The following KIRREL3 variants were observed in gnomAD, a reference collection of about 807,000 sequenced individuals.
KIRREL3 encodes kin of IRRE-like protein 3.
A neutral mutation model predicts 89.7 loss-of-function variants in KIRREL3; 36 were observed. The observed-to-expected ratio is 0.40, with a 90% CI of 0.31 to 0.53. The LOEUF is 0.53. KIRREL3 is among the 20% of genes least tolerant of loss of function. The pLI is 0.49. For missense variants in KIRREL3, 864 were observed against 1,056.6 expected (o/e 0.82, Z 2.53); for synonymous variants, 445 against 441.4 (o/e 1.01, Z -0.10).
At chr11:126,644,206 G>A (rs572149822) in intron 1 of KIRREL3, among the ~76,000 whole-genome samples, 94 of 152,344 alleles carry the variant, frequency 6.2e-4, no homozygotes, top group Non-Finnish European at 1.1e-3. Context: ...TATGAGAACT[G>A]GGAACTGGAA....
chr11:126,908,698 A>C lies in KIRREL3; in HGVS notation c.55+91757T>G, dbSNP rs1347880080. On this transcript the variant is annotated intron_variant, in intron 1 of 16. Transcript: ENST00000525144. This position sits in a 1 kb window ranked among gnomAD's most constrained non-coding sequence, Gnocchi z 4.2. ...TTAAAGGGCTTCCCATACACCAGAA[A>C]CTGGGGATTCCACAGTAGATTAAAT... 6.6e-6 allele frequency among the ~76,000 whole-genome samples: 1 copy of C among 152,206 alleles called. No individual in the cohort carries two copies. The highest frequency in any genetic ancestry group is 1.5e-5 in the Non-Finnish European group (1 of 68,026).
chr11:126,748,048 G>C lies in KIRREL3; in HGVS notation c.56-185136C>G, dbSNP rs1949211910. 6.6e-6 allele frequency among the ~76,000 whole-genome samples: 1 copy of C among 152,170 alleles called. No homozygotes were observed. The highest frequency in any genetic ancestry group is 6.5e-5 in the Admixed American group (1 of 15,272). ...TTCCATTAATAATTGCCTCCCTAGT[G>C]ACTGATTTATCTGCTCCTTGAATCT... On this transcript the variant is annotated intron_variant, in intron 1 of 16. Coordinates refer to ENST00000525144, the MANE Select transcript of KIRREL3 (RefSeq NM_032531.4). The surrounding 1 kb of genome is among the most constrained non-coding windows in gnomAD (Gnocchi z 4.6).
chr11:126,429,979 C>G lies in KIRREL3; in HGVS notation c.1697-691G>C, dbSNP rs924372966. On this transcript the variant is annotated intron_variant, in intron 14 of 16. Coordinates refer to ENST00000525144, the MANE Select transcript of KIRREL3 (RefSeq NM_032531.4). This position sits in a 1 kb window ranked among gnomAD's most constrained non-coding sequence, Gnocchi z 5.2. ...GTGAAACCCCGTCTCTATTAAAAAT[C>G]CAAAAATTAGCTGGGCGTGGTGGTG... Among the ~76,000 whole-genome samples, 2 of 151,128 alleles carry G rather than the reference C, an allele frequency of 1.3e-5. No homozygotes were observed. The highest frequency in any genetic ancestry group is 2.9e-5 in the Non-Finnish European group (2 of 67,862).
intron 1 of KIRREL3, among the ~76,000 whole-genome samples, chr11:126,947,583 T>C (rs1283075319): frequency 6.6e-6 from 1 of 152,206 alleles, no homozygotes; most frequent in African/African-American, 2.4e-5. Context: ...TTGAGTTTTA[T>C]GTGCACACGG....
In KIRREL3 at chr11:126,454,403, G is replaced by A. The variant is rs1409012111; in HGVS notation, c.848+1946C>T. On this transcript the variant is annotated intron_variant, in intron 7 of 16. Coordinates refer to ENST00000525144, the MANE Select transcript of KIRREL3 (RefSeq NM_032531.4). The surrounding 1 kb of genome is among the most constrained non-coding windows in gnomAD (Gnocchi z 5.8). ...CTGGCAGTGAGGAGAAACGAAAGTC[G>A]AAAGTTGTGTGTCCTGGTCTCTGGG... Among the ~76,000 whole-genome samples the A allele has an allele frequency of 1.3e-5, 2 of 152,128 alleles. No homozygotes were observed. The highest frequency in any genetic ancestry group is 1.9e-4 in the East Asian group (1 of 5,166).
At position 126,656,624 on chromosome 11, in the gene KIRREL3, T is replaced by G. The variant is rs1394393329; in HGVS notation, c.56-93712A>C. On this transcript the variant is annotated intron_variant, in intron 1 of 16. Transcript: ENST00000525144. The surrounding 1 kb of genome is among the most constrained non-coding windows in gnomAD (Gnocchi z 4.0). ...AGGGGCAGTTTAAATCTTCATGCTTTTACCACCTTATACTGAGTAAGAAGA... is the reference window on the plus strand; with the variant it reads ...AGGGGCAGTTTAAATCTTCATGCTTGTACCACCTTATACTGAGTAAGAAGA... Among the ~76,000 whole-genome samples, 2 of 152,210 alleles carry G rather than the reference T, an allele frequency of 1.3e-5. No individual in the cohort carries two copies. The highest frequency in any genetic ancestry group is 2.9e-5 in the Non-Finnish European group (2 of 68,032).
rs913512048 is a variant in KIRREL3 at position 126,652,123 on chromosome 11, G to C, written c.56-89211C>G. On this transcript the variant is annotated intron_variant, in intron 1 of 16. Transcript: ENST00000525144. The surrounding 1 kb of genome is among the most constrained non-coding windows in gnomAD (Gnocchi z 4.9). ...ACTAGTAGGTCTGATCTGTCTGGAG[G>C]ATTCCTTTAAAAAAACCCAAGGTTC... 6.6e-6 allele frequency among the ~76,000 whole-genome samples: 1 copy of C among 152,150 alleles called. No individual in the cohort carries two copies. The highest frequency in any genetic ancestry group is 1.5e-5 in the Non-Finnish European group (1 of 68,038).
rs888521573 is a variant in KIRREL3 at position 126,578,476 on chromosome 11, G to C, written c.56-15564C>G. Among the ~76,000 whole-genome samples, 4 of 152,222 alleles carry C rather than the reference G, an allele frequency of 2.6e-5. No individual in the cohort carries two copies. Among genetic ancestry groups the C allele is most frequent in the Non-Finnish European group, 5.9e-5 (4 of 68,046 alleles). Reference sequence around the variant, plus strand: ...CGTGCCTACCTGCTAATAAGAGCGGGAGTGTGGATTGTGCACATAGGTGGG... The same window carrying C: ...CGTGCCTACCTGCTAATAAGAGCGGCAGTGTGGATTGTGCACATAGGTGGG... On this transcript the variant is annotated intron_variant, in intron 1 of 16. Coordinates refer to ENST00000525144, the MANE Select transcript of KIRREL3 (RefSeq NM_032531.4). This position sits in a 1 kb window ranked among gnomAD's most constrained non-coding sequence, Gnocchi z 4.9.
In KIRREL3 at chr11:126,890,044, C is replaced by A. The variant is rs575972636; in HGVS notation, c.55+110411G>T. Among the ~76,000 whole-genome samples, 1 of 152,310 alleles carries A rather than the reference C, an allele frequency of 6.6e-6. No individual in the cohort carries two copies. The highest frequency in any genetic ancestry group is 1.5e-5 in the Non-Finnish European group (1 of 68,024). On this transcript the variant is annotated intron_variant, in intron 1 of 16. Coordinates refer to ENST00000525144, the MANE Select transcript of KIRREL3 (RefSeq NM_032531.4). The surrounding 1 kb of genome is among the most constrained non-coding windows in gnomAD (Gnocchi z 5.1). ...AAAATTAGTTTAAATAAACCCCCAG[C>A]CACAATCACAAATAACTATCTGGTG...
chr11:126,617,380 G>A (rs901067377), intron 1 of KIRREL3, among the ~76,000 whole-genome samples: 1 of 152,236 alleles, frequency 6.6e-6, no homozygotes, highest in African/African-American at 2.4e-5. Flanking sequence ...GTTTGGGGCT[G>A]TATCTAGGTC....
rs574363311 is a variant in KIRREL3, at chr11:126,607,274, C to T, written c.56-44362G>A. Among the ~76,000 whole-genome samples, 2 of 152,324 alleles carry T rather than the reference C, an allele frequency of 1.3e-5. No homozygotes were observed. Among genetic ancestry groups the T allele is most frequent in the East Asian group, 3.9e-4 (2 of 5,170 alleles). ...GGAAGAAAAACTGCGGCCAGAGGGG[C>T]AAGGCGAGGAAGTCGCCATAACACA... On this transcript the variant is annotated intron_variant, in intron 1 of 16. Transcript: ENST00000525144. This position sits in a 1 kb window ranked among gnomAD's most constrained non-coding sequence, Gnocchi z 6.6.
At chr11:126,972,063 G>A (rs781620382) in intron 1 of KIRREL3, among the ~76,000 whole-genome samples, 1 of 152,140 alleles carries the variant, frequency 6.6e-6, no homozygotes, top group Non-Finnish European at 1.5e-5. Flanking sequence ...CTCCGGATGA[G>A]TTAGAGGGCA....
At position 126,612,257 on chromosome 11, in the gene KIRREL3, T is replaced by C. The variant is rs868230087; in HGVS notation, c.56-49345A>G. 6.6e-6 allele frequency among the ~76,000 whole-genome samples: 1 copy of C among 152,148 alleles called. No homozygotes were observed. Among genetic ancestry groups the C allele is most frequent in the African/African-American group, 2.4e-5 (1 of 41,428 alleles). On this transcript the variant is annotated intron_variant, in intron 1 of 16. Coordinates refer to ENST00000525144, the MANE Select transcript of KIRREL3 (RefSeq NM_032531.4). This position sits in a 1 kb window ranked among gnomAD's most constrained non-coding sequence, Gnocchi z 4.5. ...CATATAATAAATGCTCCCTCAGAATTTGAGTATTATATGGACACCCTTGGC... is the reference window on the plus strand; with the variant it reads ...CATATAATAAATGCTCCCTCAGAATCTGAGTATTATATGGACACCCTTGGC...
chr11:126,831,705 C>T (rs1305934293), intron 1 of KIRREL3, among the ~76,000 whole-genome samples: 1 of 152,064 alleles, frequency 6.6e-6, no homozygotes, highest in Non-Finnish European at 1.5e-5. Context: ...TATGTATTTT[C>T]TAGTTTTTTT....
rs149262699 is a variant in KIRREL3, at chr11:126,805,559, A to C, written c.55+194896T>G. ...GATTGCAGACTGTCTCTAGGTTGTC[A>C]TCCATTAATTAATGAATAAATTAAA... On this transcript the variant is annotated intron_variant, in intron 1 of 16. Coordinates refer to ENST00000525144, the MANE Select transcript of KIRREL3 (RefSeq NM_032531.4). This position sits in a 1 kb window ranked among gnomAD's most constrained non-coding sequence, Gnocchi z 4.3. Among the ~76,000 whole-genome samples, 2 of 152,344 alleles carry C rather than the reference A, an allele frequency of 1.3e-5. No individual in the cohort carries two copies. Among genetic ancestry groups the C allele is most frequent in the East Asian group, 3.9e-4 (2 of 5,186 alleles).
At chr11:126,728,785 C>T (rs1948494798) in intron 1 of KIRREL3, among the ~76,000 whole-genome samples, 1 of 152,222 alleles carries the variant, frequency 6.6e-6, no homozygotes, top group Non-Finnish European at 1.5e-5. Context: ...CCCCAGGTCC[C>T]TTCTGTGTTG....
At position 126,860,539 on chromosome 11, in the gene KIRREL3, G is replaced by C. The variant is rs1329063202; in HGVS notation, c.55+139916C>G. 6.6e-6 allele frequency among the ~76,000 whole-genome samples: 1 copy of C among 152,228 alleles called. No homozygotes were observed. Among genetic ancestry groups the C allele is most frequent in the Non-Finnish European group, 1.5e-5 (1 of 68,042 alleles). Reference sequence around the variant, plus strand: ...TCTCAAGACGTAGTGATTGCTCTGGGTGTGGCCAGGCAGCAGGCGGCGTGG... The same window carrying C: ...TCTCAAGACGTAGTGATTGCTCTGGCTGTGGCCAGGCAGCAGGCGGCGTGG... On this transcript the variant is annotated intron_variant, in intron 1 of 16. Coordinates refer to ENST00000525144, the MANE Select transcript of KIRREL3 (RefSeq NM_032531.4). The surrounding 1 kb of genome is among the most constrained non-coding windows in gnomAD (Gnocchi z 4.6).
intron 1 of KIRREL3, among the ~76,000 whole-genome samples, chr11:126,929,074 G>A (rs537138402): frequency 6.6e-6 from 1 of 152,308 alleles, no homozygotes; most frequent in South Asian, 2.1e-4. Context: ...TTTCAAGGAC[G>A]TCGGCAGGGA....
At position 126,926,442 on chromosome 11, in the gene KIRREL3, C is replaced by T. The variant is rs890049861; in HGVS notation, c.55+74013G>A. 7.9e-5 allele frequency among the ~76,000 whole-genome samples: 12 copies of T among 152,306 alleles called. 1 individual carries two copies. The highest frequency in any genetic ancestry group is 6.8e-3 in the Middle Eastern group (2 of 294). ...TAATGAGCAGCTCTCTTTGGAGCCA[C>T]GCACCTTCCTCCCTGGGCTCTGCCA... On this transcript the variant is annotated intron_variant, in intron 1 of 16. Coordinates refer to ENST00000525144, the MANE Select transcript of KIRREL3 (RefSeq NM_032531.4).
Sources: gnomAD v4.1 joint callset for allele counts (sites outside exome capture counted in the v4.1 genomes callset) on GRCh38, gnomAD v4.1.1 for gene constraint, Gnocchi (gnomAD v3.1) non-coding constraint, MANE v1.5 for transcripts, NCBI Gene and HGNC (gene_info 2026-07-23, HGNC 2026-07-21) for gene names.